The following ANO10 variants were observed in gnomAD, a reference collection of about 807,000 sequenced individuals.
The protein encoded by ANO10 is anoctamin 10, also known as anoctamin-10.
Under a neutral mutation model 74.7 loss-of-function variants are expected in ANO10, and 77 were observed. That is an observed-to-expected ratio of 1.03 (90% CI 0.86 to 1.25). The LOEUF is 1.25. Among genes scored for constraint, ANO10 ranks in the 50% most tolerant of loss-of-function variants. The pLI is 0.00. For missense variants in ANO10, 721 were observed against 778.1 expected, an observed-to-expected ratio of 0.93 and a Z score of 0.87; for synonymous variants, 279 against 284.9, an observed-to-expected ratio of 0.98 and a Z score of 0.21.
intron 9 of ANO10, among the ~76,000 whole-genome samples, chr3:43,556,771 C>G (rs2079772227): frequency 6.6e-6 from 1 of 152,044 alleles, no homozygotes; most frequent in African/African-American, 2.4e-5. Flanking sequence ...AAACATAACA[C>G]ACAATGGTGA....
At chr3:43,623,219 G>C (rs1575567666), upstream of ANO10, among the ~76,000 whole-genome samples, 1 of 152,198 alleles carries the variant, frequency 6.6e-6, no homozygotes, top group Middle Eastern at 3.4e-3. Context: ...AAATAGGTGA[G>C]GCCAGAACAA....
intron 1 of ANO10, among the ~76,000 whole-genome samples, chr3:43,656,284 G>A (rs1041250309): frequency 2.6e-5 from 4 of 152,138 alleles, no homozygotes; most frequent in Admixed American, 2.6e-4. Flanking sequence ...ACAGAGTGCT[G>A]ATTGGTGTAC....
chr3:43,514,862 C>A (rs778607784), intron 11 of ANO10, among the ~76,000 whole-genome samples: 3 of 152,102 alleles, frequency 2.0e-5, no homozygotes, highest in Non-Finnish European at 4.4e-5. Flanking sequence ...TAACATACTT[C>A]TAAATAACAC....
rs117487595 is a variant in ANO10 at position 43,463,119 on chromosome 3, C to T, written c.1798-30392G>A. 1.5e-3 allele frequency among the ~76,000 whole-genome samples: 221 copies of T among 152,310 alleles called. 6 individuals carry two copies. In the East Asian group the frequency reaches 0.039, roughly 27 times the overall value. The stretch of plus-strand genomic sequence containing the variant: ...GGGTCAGAGCCCCCACACAGAGTCT[C>T]TACTGGAGCACTGTCTAATGGAGCT... On this transcript the variant is annotated intron_variant, in intron 11 of 12. Coordinates refer to ENST00000292246, the MANE Select transcript of ANO10 (RefSeq NM_018075.5).
chr3:43,462,789 C>T (rs1235745347), intron 11 of ANO10, among the ~76,000 whole-genome samples: 2 of 152,200 alleles, frequency 1.3e-5, no homozygotes, highest in African/African-American at 4.8e-5. Context: ...GGGCCAGGCC[C>T]AGGGTACCCA....
chr3:43,372,758 T>A, intron 12 of ANO10: 4 of 1,277,502 alleles, frequency 3.1e-6, no homozygotes, highest in Non-Finnish European at 4.4e-6. Context: ...AGCAGGGCCA[T>A]GACTAGACCC....
chr3:43,598,687 C>T (rs767839275), intron 3 of ANO10, 21 bp from the exon 4 acceptor site: 2 of 1,567,974 alleles, frequency 1.3e-6, no homozygotes, highest in South Asian at 2.3e-5. Context: ...ACAGAAATTA[C>T]CAGATTTTAG....
At chr3:43,469,192 A>G (rs944355808) in intron 11 of ANO10, among the ~76,000 whole-genome samples, 2 of 150,658 alleles carry the variant, frequency 1.3e-5, no homozygotes, top group Non-Finnish European at 3.0e-5. Flanking sequence ...ACAGGCACAC[A>G]CAACCATGCC....
intron 12 of ANO10, among the ~76,000 whole-genome samples, chr3:43,413,316 C>A (rs1460055872): frequency 2.0e-5 from 3 of 152,096 alleles, no homozygotes; most frequent in Non-Finnish European, 4.4e-5. Flanking sequence ...TGTCCCCACT[C>A]AAATCTTATG....
chr3:43,485,717 CTTCT>C (rs533409910), intron 11 of ANO10: 18 of 206,048 alleles, frequency 8.7e-5, no homozygotes, highest in Admixed American at 5.7e-4. Context: ...CCCCTGAAGC[CTTCT>C]TTGTCTTTAA....
intron 6 of ANO10, among the ~76,000 whole-genome samples, chr3:43,575,837 C>T (rs1394427198): frequency 6.6e-6 from 1 of 152,048 alleles, no homozygotes; most frequent in Non-Finnish European, 1.5e-5. Flanking sequence ...CGGGGTTTCA[C>T]CATATTGGCC....
At position 43,673,477 on chromosome 3, in the gene ANO10, T is replaced by C. The variant is rs374477457; in HGVS notation, c.-12+18040A>G. On this transcript the variant is annotated intron_variant, in intron 1 of 3. Transcript: ENST00000413397. ...TACAAATGTTCAGTGGCATAAATAATGACAATAGATGGATTTTGCTCTTGG... is the reference window on the plus strand; with the variant it reads ...TACAAATGTTCAGTGGCATAAATAACGACAATAGATGGATTTTGCTCTTGG... Among the ~76,000 whole-genome samples, 9 of 152,242 alleles carry C rather than the reference T, an allele frequency of 5.9e-5. No homozygotes were observed. The East Asian group carries it at 1.5e-3, about 26-fold the overall frequency.
chr3:43,376,370 G>A (rs922510918), intron 12 of ANO10, among the ~76,000 whole-genome samples: 2 of 152,188 alleles, frequency 1.3e-5, no homozygotes, highest in African/African-American at 2.4e-5. Flanking sequence ...CATCAACCAA[G>A]GGGACTAGAG....
At chr3:43,443,978 G>A (rs1373495101) in intron 11 of ANO10, among the ~76,000 whole-genome samples, 4 of 152,024 alleles carry the variant, frequency 2.6e-5, no homozygotes, top group East Asian at 3.9e-4. Flanking sequence ...CACTGCACCC[G>A]GATCCTTCTC....
intron 12 of ANO10, among the ~76,000 whole-genome samples, chr3:43,412,230 T>G (rs1458522875): frequency 6.6e-6 from 1 of 152,058 alleles, no homozygotes; most frequent in East Asian, 1.9e-4. Context: ...CCTACAATGA[T>G]GCCTAGCTTG....
Position 43,577,193 on chromosome 3 carries a change from C to T in ANO10, c.661G>A (p.Ala221Thr). 1.2e-6 allele frequency: 2 copies of T among 1,614,090 alleles called. No individual in the cohort carries two copies. The highest frequency in any genetic ancestry group is 1.7e-6 in the Non-Finnish European group (2 of 1,180,014). Residue 221 changes from alanine (A) to threonine (T), a missense_variant, in exon 6 of 13, where the codon GCA (alanine) becomes ACA (threonine). Transcript: ENST00000292246. Reference protein sequence around the residue: ...YFGFLEYFTFALIPMAVIGLP... With the variant: ...YFGFLEYFTFTLIPMAVIGLP... ...CCAATGACAGCCATGGGGATTAATG[C>T]AAAAGTGAAATACTCCAAAAATCCA...
intron 7 of ANO10, 47 bp from the exon 8 acceptor site, chr3:43,565,774 G>C (rs1410158261): frequency 1.9e-5 from 29 of 1,524,136 alleles, no homozygotes; most frequent in East Asian, 4.9e-5. Flanking sequence ...CACTGCTTTA[G>C]AGTACTTTAC....
chr3:43,537,574 C>A, intron 11 of ANO10, among the ~76,000 whole-genome samples: 1 of 149,368 alleles, frequency 6.7e-6, no homozygotes, highest in Non-Finnish European at 1.5e-5. Context: ...CAGAGCAGAA[C>A]CATGATCTCA....
intron 11 of ANO10, among the ~76,000 whole-genome samples, chr3:43,481,927 CTT>C (rs1161910647): frequency 1.1e-4 from 14 of 123,826 alleles, no homozygotes; most frequent in Admixed American, 1.8e-4. Context: ...CTTTTTTTTT[CTT>C]TTTTTTTTTT....
Sources: allele counts gnomAD v4.1 joint callset (sites outside exome capture counted in the v4.1 genomes callset), GRCh38; gene constraint gnomAD v4.1.1; transcripts MANE v1.5; gene names NCBI Gene and HGNC (gene_info 2026-07-23, HGNC 2026-07-21).